The following PCNT variants were observed in gnomAD, a reference collection of about 807,000 sequenced individuals.
PCNT encodes kendrin.
PCNT carries 319 observed loss-of-function variants against 380.4 expected under a neutral mutation model. That is an observed-to-expected ratio of 0.84 (90% CI 0.77 to 0.92). PCNT has a LOEUF of 0.92. Among genes scored for constraint, PCNT ranks in the 40% least tolerant of loss-of-function variants. The pLI is 0.00. For missense variants in PCNT, 4,400 were observed against 4,255.3 expected (o/e 1.03, Z -0.95); for synonymous variants, 1,845 against 1,735.2 (o/e 1.06, Z -1.57).
chr21:46,354,495 G>A (rs906740857), intron 11 of PCNT, among the ~76,000 whole-genome samples: 17 of 152,246 alleles, frequency 1.1e-4, no homozygotes, highest in African/African-American at 3.6e-4. Context: ...GGGGCAAACT[G>A]TCCAAACGGA....
intron 2 of PCNT, among the ~76,000 whole-genome samples, chr21:46,330,319 G>A (rs2083517450): frequency 6.6e-6 from 1 of 152,186 alleles, no homozygotes; most frequent in East Asian, 1.9e-4. Context: ...GTGTTACACT[G>A]TGTTGTCAGG....
intron 10 of PCNT, among the ~76,000 whole-genome samples, chr21:46,353,737 T>TGA (rs2084364103): frequency 1.5e-5 from 2 of 137,494 alleles, no homozygotes; most frequent in Non-Finnish European, 3.2e-5. Context: ...TGTGTGTGTG[T>TGA]GTGTGTGTGT....
intron 38 of PCNT, among the ~76,000 whole-genome samples, chr21:46,434,889 A>C (rs548104407): frequency 4.3e-4 from 66 of 152,304 alleles, no homozygotes; most frequent in South Asian, 1.0e-3. Context: ...GGGCACAGGG[A>C]AGCGTCATCC....
At chr21:46,404,630 A>G (rs1011112661) in intron 27 of PCNT, among the ~76,000 whole-genome samples, 14 of 152,020 alleles carry the variant, frequency 9.2e-5, no homozygotes, top group African/African-American at 2.9e-4. Flanking sequence ...GTTTCCTCAT[A>G]CAATATTTAT....
intron 12 of PCNT, 91 bp from the exon 13 acceptor site, chr21:46,356,883 T>G: frequency 4.8e-6 from 5 of 1,037,822 alleles, no homozygotes; most frequent in Non-Finnish European, 7.6e-6. Flanking sequence ...GTCAGAAGCA[T>G]TTATAGGTTG....
rs953049996 is a variant in PCNT at position 46,444,647 on chromosome 21, C to T, written c.9840-47C>T. 14 of 1,471,842 alleles carry T rather than the reference C, an allele frequency of 9.5e-6. No individual in the cohort carries two copies. The South Asian group carries it at 1.3e-4, about 14-fold the overall frequency. The allele number at this position is 1,471,842 out of a possible 1,614,324, so 91.2% of individuals were successfully genotyped here. On this transcript the variant is annotated intron_variant, in intron 45 of 46. Coordinates refer to ENST00000359568, the MANE Select transcript of PCNT (RefSeq NM_006031.6). ...ATGGCTCCGTCTGTCAAACTCAACT[C>T]TTTTTTTTTTTTTTTTTCTTCTCTT...
Position 46,346,933 on chromosome 21 carries a change from A to C in PCNT, c.911A>C (p.Glu304Ala), listed in dbSNP as rs369273213. 10 of 1,599,040 alleles carry C rather than the reference A, an allele frequency of 6.3e-6. No individual in the cohort carries two copies. Among genetic ancestry groups the C allele is most frequent in the African/African-American group, 1.3e-5 (1 of 74,872 alleles). ...LLQSRQQHELELLREQHAREK... is the reference protein window; with the variant it reads ...LLQSRQQHELALLREQHAREK... ...CAGAGCAGGCAGCAGCACGAGCTGG[A>C]GCTCCTCAGGGAGCAGCACGCACGG... Residue 304 changes from glutamate (E) to alanine (A), a missense_variant, in exon 5 of 47, where the codon GAG (glutamate) becomes GCG (alanine). By Grantham distance (107) the Glu-to-Ala change is moderately radical. Coordinates refer to ENST00000359568, the MANE Select transcript of PCNT (RefSeq NM_006031.6).
At chr21:46,324,396 G>C in intron 1 of PCNT, 114 bp downstream of exon 1, 1 of 930,346 alleles carries the variant, frequency 1.1e-6, no homozygotes, top group Admixed American at 2.0e-5. Flanking sequence ...AAGCCGCCGC[G>C]GAGGTCTCGC....
chr21:46,326,738 G>T, intron 2 of PCNT, 149 bp downstream of exon 2: 1 of 913,880 alleles, frequency 1.1e-6, no homozygotes, highest in Non-Finnish European at 1.7e-6. Context: ...TGAGGGCCGG[G>T]TGCAGTGGCT....
chr21:46,429,180 C>T (rs1440842098), intron 35 of PCNT, among the ~76,000 whole-genome samples: 5 of 152,076 alleles, frequency 3.3e-5, no homozygotes, highest in South Asian at 2.1e-4. Flanking sequence ...GCCCTTGTCC[C>T]GGCGCCCATG....
intron 33 of PCNT, among the ~76,000 whole-genome samples, chr21:46,426,409 G>A (rs989282685): frequency 1.3e-5 from 2 of 152,178 alleles, no homozygotes; most frequent in Admixed American, 6.5e-5. Context: ...CACAGCCAGC[G>A]CAGGCTCTCG....
intron 25 of PCNT, among the ~76,000 whole-genome samples, chr21:46,401,136 C>T (rs1037300005): frequency 1.3e-5 from 2 of 152,178 alleles, no homozygotes; most frequent in East Asian, 1.9e-4. Context: ...GCGCATGTAA[C>T]GTATTGTGAC....
At chr21:46,339,240 C>T (rs963772241) in intron 3 of PCNT, among the ~76,000 whole-genome samples, 3 of 152,160 alleles carry the variant, frequency 2.0e-5, no homozygotes, top group Non-Finnish European at 4.4e-5. Context: ...TTCTTGAAAG[C>T]CTGGCTGGCG....
At chr21:46,430,826 G>T in intron 37 of PCNT, 169 bp downstream of exon 37, 2 of 985,446 alleles carry the variant, frequency 2.0e-6, no homozygotes, top group Non-Finnish European at 2.4e-6. Context: ...TTGCACCTTG[G>T]TGTAGTGGCA....
rs1464263710 is a variant in PCNT at position 46,358,628 on chromosome 21, G to T, written c.2154+1437G>T. 1.1e-3 allele frequency among the ~76,000 whole-genome samples: 151 copies of T among 142,188 alleles called. 3 individuals are homozygous for T. Among genetic ancestry groups the T allele is most frequent in the African/African-American group, 2.9e-3 (113 of 38,902 alleles). The allele number at this position is 142,188 out of a possible 152,430, so 93.3% of individuals were successfully genotyped here. A position where few individuals can be genotyped will look rare whatever the true frequency, so the allele number is the denominator to read the frequency against. On this transcript the variant is annotated intron_variant, in intron 13 of 46. Coordinates refer to ENST00000359568, the MANE Select transcript of PCNT (RefSeq NM_006031.6). Reference sequence around the variant, plus strand: ...GTTGTTGTTGTTGTTTTGTTGTTTTGTTTTTTTTTTTTTTGAGACTGAGTC... The same window carrying T: ...GTTGTTGTTGTTGTTTTGTTGTTTTTTTTTTTTTTTTTTTGAGACTGAGTC...
In PCNT at chr21:46,363,783, C is replaced by T. The variant is rs369586175; in HGVS notation, c.2458C>T (p.Arg820Cys). The T allele has an allele frequency of 1.3e-4, 210 of 1,613,680 alleles. No individual in the cohort carries two copies. Among genetic ancestry groups the T allele is most frequent in the Non-Finnish European group, 1.6e-4 (194 of 1,179,778 alleles). The change falls in exon 14 of 47, where the codon CGC becomes TGC. Residue 820 changes from arginine to cysteine, a missense_variant. Physicochemically the swap from Arg to Cys is radical, Grantham distance 180 (BLOSUM62 -3). Coordinates refer to ENST00000359568, the MANE Select transcript of PCNT (RefSeq NM_006031.6). ...LERSLTEQQG[R>C]LQQLEQDLTS... ...GAGGTCCTTGACGGAGCAGCAGGGCCGCCTGCAGCAGCTGGAACAGGACCT... is the reference window on the plus strand; with the variant it reads ...GAGGTCCTTGACGGAGCAGCAGGGCTGCCTGCAGCAGCTGGAACAGGACCT...
In PCNT at chr21:46,440,915, C is replaced by G; in HGVS notation, c.9454C>G (p.Gln3152Glu). 6.2e-7 allele frequency: 1 copy of G among 1,613,620 alleles called. No individual in the cohort carries two copies. The highest frequency in any genetic ancestry group is 1.1e-5 in the South Asian group (1 of 91,068). ...GAGCTTTAGAAAAGCTCTGATTTATCAAAAGAAGTATCTTTTGCTGTTGAT... is the reference window on the plus strand; with the variant it reads ...GAGCTTTAGAAAAGCTCTGATTTATGAAAAGAAGTATCTTTTGCTGTTGAT... ...AESFRKALIYQKKYLLLLIGG... is the reference protein window; with the variant it reads ...AESFRKALIYEKKYLLLLIGG... The change falls in exon 43 of 47, where the codon CAA (glutamine) becomes GAA (glutamate). Residue 3152 changes from glutamine (Q) to glutamate (E), a missense_variant. Transcript: ENST00000359568.
At chr21:46,374,849 C>CA (rs760273140) in intron 15 of PCNT, among the ~76,000 whole-genome samples, 43,526 of 85,406 alleles carry the variant, frequency 0.51, 10,904 homozygotes, top group Middle Eastern at 0.65. Flanking sequence ...AACTTCGTCT[C>CA]AAAAAAAAAA....
chr21:46,435,232 TG>T (rs1244552134), intron 38 of PCNT, among the ~76,000 whole-genome samples: 1 of 152,090 alleles, frequency 6.6e-6, no homozygotes, highest in East Asian at 1.9e-4. Context: ...TGTTTTGGTT[TG>T]GTTTTTTTTG....
Sources: allele counts gnomAD v4.1 joint callset (sites outside exome capture counted in the v4.1 genomes callset), GRCh38; gene constraint gnomAD v4.1.1; transcripts MANE v1.5; gene names NCBI Gene and HGNC (gene_info 2026-07-23, HGNC 2026-07-21).